The following ADGRB3 variants were observed in gnomAD, a reference collection of about 807,000 sequenced individuals.
The protein encoded by ADGRB3 is adhesion G protein-coupled receptor B3.
ADGRB3 carries 37 observed loss-of-function variants against 193.4 expected under a neutral mutation model. That is an observed-to-expected ratio of 0.19 (90% CI 0.15 to 0.25). The LOEUF (loss-of-function observed/expected upper bound fraction) is 0.25. Ranked by LOEUF, ADGRB3 falls within the 10% of genes least tolerant of loss-of-function variation. ADGRB3 has a pLI of 1.00. For missense variants in ADGRB3, 1,637 were observed against 1,852.9 expected, an observed-to-expected ratio of 0.88 and a Z score of 2.14; for synonymous variants, 690 against 644.2, an observed-to-expected ratio of 1.07 and a Z score of -1.08.
intron 3 of ADGRB3, among the ~76,000 whole-genome samples, chr6:68,820,312 C>T (rs144617870): frequency 1.8e-3 from 270 of 152,066 alleles, no homozygotes; most frequent in African/African-American, 6.2e-3. Flanking sequence ...ACCTTCATTA[C>T]ACTAATTTTT....
rs189479806 is a variant in ADGRB3 at position 69,204,060 on chromosome 6, G to A, written c.2481-29230G>A. Among the ~76,000 whole-genome samples the A allele has an allele frequency of 3.3e-5, 5 of 152,004 alleles. No homozygotes were observed. In the East Asian group the frequency reaches 9.7e-4, roughly 29 times the overall value. ...TGAACACATTTAGTTTTTAATAACT[G>A]GTATTTACCAACTGACTGGCTGACC... On this transcript the variant is annotated intron_variant, in intron 17 of 31. Transcript: ENST00000370598.
Position 69,014,081 on chromosome 6 carries a change from A to T in ADGRB3, c.1973A>T (p.Lys658Met). The T allele has an allele frequency of 1.2e-6, 2 of 1,605,826 alleles. No homozygotes were observed. The highest frequency in any genetic ancestry group is 1.3e-5 in the African/African-American group (1 of 74,678). The change falls in exon 12 of 32, where the codon AAG (lysine) becomes ATG (methionine). Residue 658 changes from lysine to methionine, a missense_variant. Around this residue, in one of 7 missense-constraint regions of ADGRB3, gnomAD observed 641 missense variants for 673.9 expected, o/e 0.95. Coordinates refer to ENST00000370598, the MANE Select transcript of ADGRB3 (RefSeq NM_001704.3). ...IVSNLLDEEN[K>M]EKWEDAQQIY... is the part of the protein sequence containing the mutation. ...AGCAACCTTCTAGATGAAGAAAACA[A>T]GGAAAAATGGGAAGATGCACAACAG...
At chr6:69,244,987 C>T (rs1766465955) in intron 20 of ADGRB3, among the ~76,000 whole-genome samples, 1 of 151,992 alleles carries the variant, frequency 6.6e-6, no homozygotes, top group African/African-American at 2.4e-5. Flanking sequence ...TTCCTGCTCA[C>T]CACTAAATTC....
chr6:69,371,202 C>A (rs1407493915), intron 29 of ADGRB3, among the ~76,000 whole-genome samples: 3 of 152,042 alleles, frequency 2.0e-5, no homozygotes, highest in African/African-American at 7.2e-5. Flanking sequence ...TTCGGCATGT[C>A]CCCTTCTGTC....
chr6:68,822,997 A>G (rs185834672), intron 3 of ADGRB3, among the ~76,000 whole-genome samples: 131 of 152,182 alleles, frequency 8.6e-4, no homozygotes, highest in African/African-American at 3.0e-3. Flanking sequence ...AGAAGTTTCA[A>G]GCACAAAGAT....
In ADGRB3 at chr6:69,232,313, TG is replaced by T. The variant is rs1383162598; in HGVS notation, c.2481-972del. 5 of 916,886 alleles carry T rather than the reference TG, an allele frequency of 5.5e-6. No individual in the cohort carries two copies. The African/African-American group carries it at 6.8e-5, about 12-fold the overall frequency. The allele number at this position is 916,886 out of a possible 1,614,324, so 56.8% of individuals were successfully genotyped here. A position where few individuals can be genotyped will look rare whatever the true frequency, so the allele number is the denominator to read the frequency against. ...CTCTCTTCCTGTAGTGTAGTTCTGC[TG>T]GGGGTGGAAGGGTTCTCCCCCATCC... On this transcript the variant is annotated intron_variant, in intron 17 of 31. Transcript: ENST00000370598.
chr6:69,182,128 G>C (rs1274387745), intron 17 of ADGRB3, among the ~76,000 whole-genome samples: 1 of 152,126 alleles, frequency 6.6e-6, no homozygotes, highest in East Asian at 1.9e-4. Context: ...CAGGCACACA[G>C]ATGCACCCAT....
chr6:69,313,777 A>G (rs770895838), intron 20 of ADGRB3, among the ~76,000 whole-genome samples: 1 of 151,758 alleles, frequency 6.6e-6, no homozygotes, highest in Non-Finnish European at 1.5e-5. Flanking sequence ...ATAAAATTGT[A>G]TGTATTTATC....
intron 3 of ADGRB3, among the ~76,000 whole-genome samples, chr6:68,753,822 A>G (rs944080301): frequency 1.3e-5 from 2 of 152,108 alleles, no homozygotes; most frequent in Non-Finnish European, 2.9e-5. Flanking sequence ...ACCATGACCA[A>G]TTTGGTTTGA....
chr6:68,966,894 T>C (rs112371967), intron 8 of ADGRB3, among the ~76,000 whole-genome samples: 3 of 152,328 alleles, frequency 2.0e-5, no homozygotes, highest in African/African-American at 7.2e-5. Context: ...ACTGGGGAAT[T>C]CATAAAGATG....
chr6:68,698,939 G>A (rs550690684), intron 3 of ADGRB3, among the ~76,000 whole-genome samples: 4 of 151,928 alleles, frequency 2.6e-5, no homozygotes, highest in African/African-American at 9.7e-5. Context: ...AATTTTCCCA[G>A]GTGATTTTAA....
intron 16 of ADGRB3, among the ~76,000 whole-genome samples, chr6:69,071,084 G>T (rs1772065715): frequency 6.6e-6 from 1 of 152,162 alleles, no homozygotes; most frequent in African/African-American, 2.4e-5. Flanking sequence ...GTATCACAGT[G>T]CCTTGAATGG....
chr6:69,300,019 A>G (rs1388929001), intron 20 of ADGRB3, among the ~76,000 whole-genome samples: 1 of 151,842 alleles, frequency 6.6e-6, no homozygotes, highest in Non-Finnish European at 1.5e-5. Context: ...AAGACTACAA[A>G]AAAAGGAAAC....
intron 13 of ADGRB3, among the ~76,000 whole-genome samples, chr6:69,038,509 T>G (rs1310129578): frequency 6.6e-6 from 1 of 152,252 alleles, no homozygotes; most frequent in Non-Finnish European, 1.5e-5. Context: ...CATATTGATT[T>G]GTTTTTAATC....
At chr6:69,148,521 A>T (rs61648927) in intron 17 of ADGRB3, among the ~76,000 whole-genome samples, 17,939 of 152,020 alleles carry the variant, frequency 0.12, 1,116 homozygotes, top group African/African-American at 0.13. Context: ...ATTATTTTTG[A>T]TTGGTTCATC....
At chr6:69,019,499 G>A (rs1415550086) in intron 13 of ADGRB3, among the ~76,000 whole-genome samples, 1 of 151,856 alleles carries the variant, frequency 6.6e-6, no homozygotes, top group Admixed American at 6.6e-5. Flanking sequence ...TCTTCTGAAG[G>A]TCCCTAAGTC....
At chr6:68,741,798 A>C (rs1765988331) in intron 3 of ADGRB3, among the ~76,000 whole-genome samples, 2 of 152,184 alleles carry the variant, frequency 1.3e-5, no homozygotes, top group African/African-American at 4.8e-5. Flanking sequence ...TCAGTTTTTT[A>C]CAACCTAAAC....
chr6:69,383,529 A>G (rs943300298), intron 31 of ADGRB3, among the ~76,000 whole-genome samples: 3 of 152,002 alleles, frequency 2.0e-5, no homozygotes, highest in Non-Finnish European at 4.4e-5. Flanking sequence ...TGGCATAATC[A>G]TAGCTTCACA....
intron 20 of ADGRB3, among the ~76,000 whole-genome samples, chr6:69,292,707 C>A (rs915176560): frequency 6.6e-6 from 1 of 151,718 alleles, no homozygotes; most frequent in Non-Finnish European, 1.5e-5. Context: ...TTCTCTCAAC[C>A]TCTTTCTTTT....
Sources: gnomAD v4.1 joint callset for allele counts (sites outside exome capture counted in the v4.1 genomes callset) on GRCh38, gnomAD v4.1.1 for gene constraint, gnomAD v4.1.1 regional missense constraint, MANE v1.5 for transcripts, NCBI Gene and HGNC (gene_info 2026-07-23, HGNC 2026-07-21) for gene names.